Variants in RTN4RL2 observed in about 807,000 individuals in gnomAD.
The protein encoded by RTN4RL2 is reticulon-4 receptor-like 2.
A neutral mutation model predicts 27.8 loss-of-function variants in RTN4RL2; 9 were observed. The observed-to-expected ratio is 0.32, with a 90% CI of 0.20 to 0.57. The LOEUF is 0.57. Among genes scored for constraint, RTN4RL2 ranks in the 20% least tolerant of loss-of-function variants. The pLI, the probability that RTN4RL2 is intolerant of heterozygous loss-of-function variation, is 0.90. For synonymous variants in RTN4RL2, 285 were observed against 297.9 expected, an observed-to-expected ratio of 0.96 and a Z score of 0.45; for missense variants, 436 against 596.8, an observed-to-expected ratio of 0.73 and a Z score of 2.81.
In RTN4RL2 at chr11:57,474,920, G is replaced by A. The variant is rs561227284; in HGVS notation, c.514-1242G>A. ...CCTAGCACCAGGCAGGTGGGACAGC[G>A]CCTCTAAGGGGAGTAGTAATGCAAT... On this transcript the variant is annotated intron_variant, in intron 2 of 2. Coordinates refer to ENST00000335099, the MANE Select transcript of RTN4RL2 (RefSeq NM_178570.3). Among the ~76,000 whole-genome samples the A allele has an allele frequency of 2.4e-4, 37 of 152,294 alleles. 1 individual carries two copies. The South Asian group carries it at 7.3e-3, about 30-fold the overall frequency.
At position 57,476,323 on chromosome 11, in the gene RTN4RL2, C is replaced by T; in HGVS notation, c.675C>T (p.Gly225=). 1 of 1,611,050 alleles carries T rather than the reference C, an allele frequency of 6.2e-7. No individual in the cohort carries two copies. Among genetic ancestry groups the T allele is most frequent in the Non-Finnish European group, 8.5e-7 (1 of 1,178,916 alleles). ...GCGTGCACCGCGCGGCCTTCCGCGG[C>T]CTCAGCCGCCTCACCATCCTCTACC... The part of the protein sequence containing the change: ...LQGVHRAAFR[G]LSRLTILYLF... Residue 225 remains glycine, a synonymous_variant, in exon 3 of 3, where the codon GGC becomes GGT. Coordinates refer to ENST00000335099, the MANE Select transcript of RTN4RL2 (RefSeq NM_178570.3). This position sits in a 1 kb window ranked among gnomAD's most constrained non-coding sequence, Gnocchi z 8.2.
Position 57,476,053 on chromosome 11 carries a change from T to C in RTN4RL2, c.514-109T>C, listed in dbSNP as rs146535978. The C allele has an allele frequency of 1.6e-3, 1,685 of 1,059,748 alleles. 3 individuals are homozygous for C. The highest frequency in any genetic ancestry group is 2.1e-3 in the Non-Finnish European group (1,509 of 720,984). 65.6% of individuals were successfully genotyped at this position (1,059,748 alleles called of 1,614,324 possible). A position where few individuals can be genotyped will look rare whatever the true frequency, so the allele number is the denominator to read the frequency against. ...TATGAATCAAAAGGTCAACCCTTTCTCTTCTGCCACGGTGCACCCCCTTCC... is the reference window on the plus strand; with the variant it reads ...TATGAATCAAAAGGTCAACCCTTTCCCTTCTGCCACGGTGCACCCCCTTCC... On this transcript the variant is annotated intron_variant, in intron 2 of 2. Transcript: ENST00000335099. This position sits in a 1 kb window ranked among gnomAD's most constrained non-coding sequence, Gnocchi z 8.2.
rs76906771 is a variant in RTN4RL2, at chr11:57,463,094, A to T, written c.31+2198A>T. 4.9e-3 allele frequency among the ~76,000 whole-genome samples: 748 copies of T among 152,284 alleles called. 4 individuals are homozygous for T. The highest frequency in any genetic ancestry group is 8.0e-3 in the Non-Finnish European group (545 of 68,018). On this transcript the variant is annotated intron_variant, in intron 1 of 2. Transcript: ENST00000335099. ...AGAAAGATCAGAGTGTCTCTCTGAC[A>T]TGGGCTTGATGTCCCTCTTTTCCAA... is the stretch of plus-strand genomic sequence containing the variant.
Position 57,467,937 on chromosome 11 carries a change from C to T in RTN4RL2, c.360C>T (p.Arg120=), listed in dbSNP as rs61745215. The change falls in exon 2 of 3, where the codon CGC becomes CGT. Residue 120 remains arginine (R), a synonymous_variant. Coordinates refer to ENST00000335099, the MANE Select transcript of RTN4RL2 (RefSeq NM_178570.3). This position sits in a 1 kb window ranked among gnomAD's most constrained non-coding sequence, Gnocchi z 5.5. ...ACCTCGGTGACAACCGGCACCTGCG[C>T]TCGCTGGAGCCCGACACCTTCCAGG... ...ELDLGDNRHL[R]SLEPDTFQGL... is the part of the protein sequence containing the mutation. The T allele has an allele frequency of 2.0e-3, 3,215 of 1,613,384 alleles. 15 individuals carry two copies. Among genetic ancestry groups the T allele is most frequent in the Non-Finnish European group, 2.5e-3 (2,895 of 1,179,974 alleles).
At chr11:57,466,539 T>A (rs1373706714) in intron 1 of RTN4RL2, among the ~76,000 whole-genome samples, 1 of 152,190 alleles carries the variant, frequency 6.6e-6, no homozygotes, top group African/African-American at 2.4e-5. Context: ...AAATGCAGAT[T>A]CCCAGGCTGT....
At chr11:57,466,924 A>G (rs1176120624) in intron 1 of RTN4RL2, among the ~76,000 whole-genome samples, 3 of 152,224 alleles carry the variant, frequency 2.0e-5, no homozygotes. Context: ...TGCCCCCACA[A>G]CGAGGAACTA....
intron 1 of RTN4RL2, among the ~76,000 whole-genome samples, chr11:57,463,502 T>C (rs1045559651): frequency 2.6e-5 from 4 of 152,126 alleles, no homozygotes; most frequent in Non-Finnish European, 5.9e-5. Flanking sequence ...TCAGGAGGCC[T>C]GGGGTGCTCA....
chr11:57,473,683 T>C (rs1419423094), intron 2 of RTN4RL2, among the ~76,000 whole-genome samples: 1 of 151,434 alleles, frequency 6.6e-6, no homozygotes, highest in African/African-American at 2.4e-5. Context: ...AAGGACCGGA[T>C]TTGAAAGCTA....
intron 2 of RTN4RL2, among the ~76,000 whole-genome samples, chr11:57,470,827 G>A (rs879830025): frequency 1.3e-5 from 2 of 152,122 alleles, no homozygotes; most frequent in Non-Finnish European, 2.9e-5. Flanking sequence ...TTAACTTTAA[G>A]CAGGTTGCTA....
At chr11:57,466,658 A>G (rs1943527795) in intron 1 of RTN4RL2, among the ~76,000 whole-genome samples, 1 of 152,162 alleles carries the variant, frequency 6.6e-6, no homozygotes, top group Non-Finnish European at 1.5e-5. Flanking sequence ...GCAAGGGCGA[A>G]AAGTACAGGA....
Position 57,476,554 on chromosome 11 carries a change from CCG to C in RTN4RL2, c.909_910del (p.Glu304GlyfsTer63). 7.1e-7 allele frequency: 1 copy of C among 1,399,774 alleles called. No homozygotes were observed. The highest frequency in any genetic ancestry group is 9.2e-7 in the Non-Finnish European group (1 of 1,085,594). The allele number at this position is 1,399,774 out of a possible 1,614,324, so 86.7% of individuals were successfully genotyped here. On this transcript the variant is annotated frameshift_variant, in exon 3 of 3. Transcript: ENST00000335099. LOFTEE classifies it high-confidence loss of function. This position sits in a 1 kb window ranked among gnomAD's most constrained non-coding sequence, Gnocchi z 8.2. The part of the protein sequence containing the change: ...ERQGRDLRAL[R>X]EADFQACPPA... The stretch of plus-strand genomic sequence containing the variant: ...GCCAGGGCCGAGACCTGCGCGCGCT[CCG>C]CGAGGCCGACTTCCAGGCGTGTCCG...
rs554069408 is a variant in RTN4RL2 at position 57,460,542 on chromosome 11, A to G, written c.-324A>G. On this transcript the variant is annotated 5_prime_UTR_variant, in exon 1 of 3. Transcript: ENST00000335099. ...TCGCTGTCCCCACTCTCCCTCGGCT[A>G]GCAGCCTGGGCACACGGACAGACGG... 4.3e-4 allele frequency: 69 copies of G among 160,014 alleles called. No individual in the cohort carries two copies. Among genetic ancestry groups the G allele is most frequent in the Non-Finnish European group, 7.7e-4 (56 of 73,036 alleles). 9.9% of individuals were successfully genotyped at this position (160,014 alleles called of 1,614,324 possible).
intron 2 of RTN4RL2, among the ~76,000 whole-genome samples, chr11:57,470,284 A>G (rs896783280): frequency 1.3e-5 from 2 of 151,972 alleles, no homozygotes; most frequent in African/African-American, 2.4e-5. Context: ...GTCCCACTCT[A>G]TCGCCCAGGC....
chr11:57,475,355 C>T (rs1943589835), intron 2 of RTN4RL2, among the ~76,000 whole-genome samples: 1 of 152,004 alleles, frequency 6.6e-6, no homozygotes, highest in Middle Eastern at 3.2e-3. Context: ...GACCAAATCC[C>T]TGTGTGCTGG....
rs140887657 is a variant in RTN4RL2, at chr11:57,468,420, C to G, written c.513+330C>G. On this transcript the variant is annotated intron_variant, in intron 2 of 2. Transcript: ENST00000335099. ...CACTGCCTCTCTCACTAACTTGCCT[C>G]CCCCATCTGTCTTCTGCCTCTTCTG... The G allele has an allele frequency of 1.5e-3, 1,122 of 751,358 alleles. 3 individuals are homozygous for G. Among genetic ancestry groups the G allele is most frequent in the Non-Finnish European group, 1.9e-3 (881 of 460,428 alleles). 46.5% of individuals were successfully genotyped at this position (751,358 alleles called of 1,614,324 possible).
intron 1 of RTN4RL2, among the ~76,000 whole-genome samples, chr11:57,461,808 G>A (rs558635183): frequency 3.3e-5 from 5 of 152,054 alleles, no homozygotes; most frequent in East Asian, 3.9e-4. Context: ...ATCAGGAACC[G>A]GCGAAGAGGG....
chr11:57,466,419 G>A (rs1943525605), intron 1 of RTN4RL2, among the ~76,000 whole-genome samples: 1 of 152,196 alleles, frequency 6.6e-6, no homozygotes, highest in Non-Finnish European at 1.5e-5. Context: ...GCAATAAGCT[G>A]TGATCGTACC....
rs192421211 is a variant in RTN4RL2, at chr11:57,468,528, G to A, written c.513+438G>A. On this transcript the variant is annotated intron_variant, in intron 2 of 2. Transcript: ENST00000335099. ...TATCTGTCTCTTTCTGTGATCTCACGTGTTTGCCTTCAGGGCACTCTGCCT... is the reference window on the plus strand; with the variant it reads ...TATCTGTCTCTTTCTGTGATCTCACATGTTTGCCTTCAGGGCACTCTGCCT... 2.3e-4 allele frequency: 346 copies of A among 1,526,412 alleles called. 2 individuals are homozygous for A. The highest frequency in any genetic ancestry group is 2.7e-5 in the African/African-American group (2 of 72,960). 94.6% of individuals were successfully genotyped at this position (1,526,412 alleles called of 1,614,324 possible).
At chr11:57,468,320 C>G (rs1187580822) in intron 2 of RTN4RL2, among the ~76,000 whole-genome samples, 1 of 152,016 alleles carries the variant, frequency 6.6e-6, no homozygotes, top group Non-Finnish European at 1.5e-5. Context: ...GTTCCTCTCT[C>G]TCTCTCTCCC....
Sources: gnomAD v4.1 joint callset for allele counts (sites outside exome capture counted in the v4.1 genomes callset) on GRCh38, gnomAD v4.1.1 for gene constraint, Gnocchi (gnomAD v3.1) non-coding constraint, MANE v1.5 for transcripts, NCBI Gene and HGNC (gene_info 2026-07-23, HGNC 2026-07-21) for gene names.